Variants in USP34 observed in about 807,000 individuals in gnomAD.
The protein encoded by USP34 is ubiquitin carboxyl-terminal hydrolase 34.
A neutral mutation model predicts 460.3 loss-of-function variants in USP34; 70 were observed. The observed-to-expected ratio is 0.15, with a 90% CI of 0.13 to 0.19. USP34 has a LOEUF of 0.19. Ranked by LOEUF, USP34 falls within the 10% of genes least tolerant of loss-of-function variation. The pLI is 1.00. For missense variants in USP34, 3,985 were observed against 4,236.2 expected, an observed-to-expected ratio of 0.94 and a Z score of 1.65; for synonymous variants, 1,647 against 1,405.3, an observed-to-expected ratio of 1.17 and a Z score of -3.85.
chr2:61,249,025 T>C lies in USP34; in HGVS notation c.6222-342A>G, dbSNP rs143742787. 2.8e-3 allele frequency among the ~76,000 whole-genome samples: 427 copies of C among 152,286 alleles called. 1 individual carries two copies. Among genetic ancestry groups the C allele is most frequent in the African/African-American group, 9.6e-3 (399 of 41,584 alleles). Reference sequence around the variant, plus strand: ...CACAGATTTTAGCAACCTCATCGTATGTTTTCTTTCCCTATTCCAGATAAA... The same window carrying C: ...CACAGATTTTAGCAACCTCATCGTACGTTTTCTTTCCCTATTCCAGATAAA... On this transcript the variant is annotated intron_variant, in intron 48 of 79. Transcript: ENST00000398571.
intron 1 of USP34, among the ~76,000 whole-genome samples, chr2:61,465,651 T>A (rs1254819390): frequency 6.6e-6 from 1 of 152,132 alleles, no homozygotes; most frequent in Non-Finnish European, 1.5e-5. Context: ...GAGACCAGCC[T>A]GGGCAACAAT....
At chr2:61,331,168 T>G in intron 20 of USP34, 108 bp downstream of exon 20, 2 of 917,224 alleles carry the variant, frequency 2.2e-6, no homozygotes, top group Non-Finnish European at 3.2e-6. Context: ...AATAAAGTTT[T>G]CTGTTACAAT....
intron 67 of USP34, among the ~76,000 whole-genome samples, chr2:61,215,125 T>C (rs1469483443): frequency 6.6e-6 from 1 of 152,220 alleles, no homozygotes; most frequent in Non-Finnish European, 1.5e-5. Flanking sequence ...AAAATAATGA[T>C]AATTTACTTT....
intron 48 of USP34, chr2:61,250,097 A>C (rs1325324801): frequency 1.9e-5 from 3 of 155,848 alleles, no homozygotes; most frequent in African/African-American, 7.2e-5. Context: ...AAAATATAAA[A>C]ATTAGCTGGG....
At chr2:61,328,172 G>A (rs957494422) in intron 20 of USP34, among the ~76,000 whole-genome samples, 14 of 151,792 alleles carry the variant, frequency 9.2e-5, no homozygotes, top group Non-Finnish European at 1.6e-4. Context: ...TGCAGTGGCA[G>A]GCACCTGGAT....
chr2:61,195,084 G>A (rs1444069303), intron 75 of USP34, among the ~76,000 whole-genome samples: 1 of 152,072 alleles, frequency 6.6e-6, no homozygotes, highest in Non-Finnish European at 1.5e-5. Context: ...GCTGGGTGTG[G>A]TGGCACACAC....
chr2:61,296,485 T>C (rs1690034663), intron 30 of USP34, among the ~76,000 whole-genome samples: 1 of 152,132 alleles, frequency 6.6e-6, no homozygotes, highest in African/African-American at 2.4e-5. Context: ...CTCTAAACAT[T>C]ACTTTTTGTT....
rs768430652 is a variant in USP34, at chr2:61,221,642, A to C, written c.7795-36T>G. On this transcript the variant is annotated intron_variant, in intron 65 of 79. Coordinates refer to ENST00000398571, the MANE Select transcript of USP34 (RefSeq NM_014709.4). Reference sequence around the variant, plus strand: ...CATACATGACTGTGTATTTAGATCAATCTGAACCCATCTCCTTCAGCAGAG... The same window carrying C: ...CATACATGACTGTGTATTTAGATCACTCTGAACCCATCTCCTTCAGCAGAG... 7.0e-6 allele frequency: 11 copies of C among 1,568,788 alleles called. No individual in the cohort carries two copies. In the South Asian group the frequency reaches 1.1e-4, roughly 16 times the overall value.
chr2:61,196,110 T>C (rs1395781694), intron 75 of USP34, among the ~76,000 whole-genome samples: 3 of 112,238 alleles, frequency 2.7e-5, no homozygotes, highest in South Asian at 3.2e-4. Context: ...AGACGGAGTC[T>C]CGCTTTGTCG....
intron 21 of USP34, among the ~76,000 whole-genome samples, chr2:61,324,251 G>C (rs1691017391): frequency 6.6e-6 from 1 of 152,160 alleles, no homozygotes; most frequent in African/African-American, 2.4e-5. Context: ...ATAACCACAT[G>C]GATTTGGATA....
At chr2:61,234,582 T>C (rs1308108407) in intron 57 of USP34, among the ~76,000 whole-genome samples, 8 of 152,076 alleles carry the variant, frequency 5.3e-5, no homozygotes, top group Non-Finnish European at 8.8e-5. Context: ...AAGAGAGGGA[T>C]GGAAGAAATA....
intron 19 of USP34, among the ~76,000 whole-genome samples, chr2:61,333,080 C>T (rs1294457701): frequency 6.6e-6 from 1 of 151,974 alleles, no homozygotes; most frequent in Non-Finnish European, 1.5e-5. Context: ...GAAATCTCTC[C>T]AAAAGCTTAT....
At chr2:61,196,960 A>G (rs1558460717) in intron 75 of USP34, among the ~76,000 whole-genome samples, 1 of 152,214 alleles carries the variant, frequency 6.6e-6, no homozygotes, top group Non-Finnish European at 1.5e-5. Flanking sequence ...TTCTGTTATA[A>G]GTATCTCTAT....
chr2:61,457,296 T>C (rs534074735), intron 1 of USP34, among the ~76,000 whole-genome samples: 1 of 152,278 alleles, frequency 6.6e-6, no homozygotes, highest in African/African-American at 2.4e-5. Context: ...GCAGTAGCCA[T>C]TTCTGTTACC....
chr2:61,245,602 T>C lies in USP34; in HGVS notation c.6549-314A>G, dbSNP rs570859737. ...AAAAATTAAGAGATTGGGAGAACTT[T>C]CAAAGGTACCATTTCAAAATTTATG... On this transcript the variant is annotated intron_variant, in intron 50 of 79. Transcript: ENST00000398571. Among the ~76,000 whole-genome samples, 11 of 152,030 alleles carry C rather than the reference T, an allele frequency of 7.2e-5. 1 individual carries two copies. In the East Asian group the frequency reaches 2.1e-3, roughly 29 times the overall value.
At chr2:61,289,393 ATTTAT>A (rs1234893529) in intron 33 of USP34, among the ~76,000 whole-genome samples, 1 of 152,008 alleles carries the variant, frequency 6.6e-6, no homozygotes, top group Non-Finnish European at 1.5e-5. Context: ...TTAAAAATAA[ATTTAT>A]TTTATTTAAA....
intron 18 of USP34, among the ~76,000 whole-genome samples, chr2:61,336,915 T>C (rs1310714678): frequency 6.6e-6 from 1 of 152,190 alleles, no homozygotes; most frequent in Non-Finnish European, 1.5e-5. Context: ...ATCTTTTCTT[T>C]TTAACGGTTA....
intron 48 of USP34, among the ~76,000 whole-genome samples, chr2:61,249,247 C>T (rs769342171): frequency 3.9e-5 from 6 of 152,138 alleles, no homozygotes; most frequent in East Asian, 1.9e-4. Context: ...ACTACTCTTG[C>T]ACTTTGGTGC....
At chr2:61,449,130 C>G (rs979946950) in intron 1 of USP34, among the ~76,000 whole-genome samples, 2 of 149,450 alleles carry the variant, frequency 1.3e-5, no homozygotes, top group African/African-American at 5.0e-5. Context: ...GCACTCCAGC[C>G]TGGGCAACAG....
Sources: gnomAD v4.1 joint callset for allele counts (sites outside exome capture counted in the v4.1 genomes callset) on GRCh38, gnomAD v4.1.1 for gene constraint, MANE v1.5 for transcripts, NCBI Gene and HGNC (gene_info 2026-07-23, HGNC 2026-07-21) for gene names.